The following TEAD1 variants were observed in gnomAD, a reference collection of about 807,000 sequenced individuals.
TEAD1 encodes the protein TEA domain transcription factor 1.
TEAD1 carries 9 observed loss-of-function variants against 54.9 expected under a neutral mutation model. The ratio of observed to expected loss-of-function variants is 0.16; its 90% CI spans 0.10 to 0.29. The LOEUF (loss-of-function observed/expected upper bound fraction) is 0.29. Among genes scored for constraint, TEAD1 ranks in the 10% least tolerant of loss-of-function variants. The pLI, the probability that TEAD1 is intolerant of heterozygous loss-of-function variation, is 1.00. For missense variants in TEAD1, 387 were observed against 535.9 expected (o/e 0.72, Z 2.74); for synonymous variants, 200 against 187.8 (o/e 1.07, Z -0.53).
intron 3 of TEAD1, among the ~76,000 whole-genome samples, chr11:12,837,059 G>A (rs1366490063): frequency 1.3e-5 from 2 of 152,142 alleles, no homozygotes; most frequent in Non-Finnish European, 2.9e-5. Context: ...ATACCCTAGT[G>A]TATAAAAGCA....
intron 10 of TEAD1, among the ~76,000 whole-genome samples, chr11:12,912,996 A>T (rs1948644473): frequency 6.6e-6 from 1 of 152,126 alleles, no homozygotes; most frequent in Non-Finnish European, 1.5e-5. Flanking sequence ...ATCCCACCTG[A>T]GCTGCTGCCA....
Position 12,777,652 on chromosome 11 carries a change from G to T in TEAD1, c.202+13218G>T, listed in dbSNP as rs1945458516. 2.0e-5 allele frequency among the ~76,000 whole-genome samples: 3 copies of T among 152,198 alleles called. No individual in the cohort carries two copies. The South Asian group carries it at 6.2e-4, about 32-fold the overall frequency. Reference sequence around the variant, plus strand: ...ATGACATGCCAGATGTGAGGTATCGGATTGCATGTTTATTCAACTGTTACT... The same window carrying T: ...ATGACATGCCAGATGTGAGGTATCGTATTGCATGTTTATTCAACTGTTACT... On this transcript the variant is annotated intron_variant, in intron 3 of 12. Transcript: ENST00000527636.
chr11:12,916,737 G>T (rs139376423), intron 10 of TEAD1, among the ~76,000 whole-genome samples: 6 of 152,314 alleles, frequency 3.9e-5, no homozygotes, highest in African/African-American at 1.2e-4. Flanking sequence ...ATTCACAGAC[G>T]CCTGGACCAG....
intron 12 of TEAD1, among the ~76,000 whole-genome samples, 181 bp from the exon 13 acceptor site, chr11:12,936,928 A>T (rs1458183613): frequency 6.6e-6 from 1 of 152,224 alleles, no homozygotes; most frequent in Non-Finnish European, 1.5e-5. Context: ...AACCACGTTT[A>T]GATGGGCTTC....
chr11:12,914,955 C>A (rs909242623), intron 10 of TEAD1, among the ~76,000 whole-genome samples: 1 of 152,258 alleles, frequency 6.6e-6, no homozygotes. Context: ...GTTCTTTGAT[C>A]ATTGCTCGGA....
intron 3 of TEAD1, among the ~76,000 whole-genome samples, chr11:12,840,262 AG>A (rs56161898): frequency 0.053 from 757 of 14,288 alleles, 94 homozygotes; most frequent in African/African-American, 0.11. Flanking sequence ...AAAAAAAAAA[AG>A]AAAAAAAAAA....
At chr11:12,676,995 A>T (rs903118979) in intron 2 of TEAD1, among the ~76,000 whole-genome samples, 37 of 150,972 alleles carry the variant, frequency 2.5e-4, no homozygotes, top group African/African-American at 7.9e-4. Context: ...TTTTTTTTTT[A>T]AAAACGAGCT....
chr11:12,679,936 T>A (rs1943180699), intron 2 of TEAD1, among the ~76,000 whole-genome samples: 1 of 152,232 alleles, frequency 6.6e-6, no homozygotes, highest in Admixed American at 6.5e-5. Context: ...TTGTATAACC[T>A]GATGCTACAC....
At chr11:12,686,631 T>C (rs998799812) in intron 2 of TEAD1, among the ~76,000 whole-genome samples, 1 of 152,196 alleles carries the variant, frequency 6.6e-6, no homozygotes, top group Non-Finnish European at 1.5e-5. Context: ...CCTGTGGTCT[T>C]GGCACTCTTG....
rs10709676 is a variant in TEAD1, at chr11:12,831,780, CAA to C, written c.203-30455_203-30454del. On this transcript the variant is annotated intron_variant, in intron 3 of 12. Transcript: ENST00000527636. Reference sequence around the variant, plus strand: ...CTGGTGACAGAGTGAGACGCTGTCTCAAAAAAAAAAAAAAAATGTAGAGTCTC... The same window carrying C: ...CTGGTGACAGAGTGAGACGCTGTCTCAAAAAAAAAAAAAATGTAGAGTCTC... 1.4e-3 allele frequency among the ~76,000 whole-genome samples: 124 copies of C among 90,206 alleles called. 1 individual carries two copies. The highest frequency in any genetic ancestry group is 3.4e-3 in the African/African-American group (105 of 30,806). The allele number at this position is 90,206 out of a possible 152,430, so 59.2% of individuals were successfully genotyped here.
Position 12,883,088 on chromosome 11 carries a change from T to A in TEAD1, c.662T>A (p.Phe221Tyr). The change falls in exon 9 of 13, where the codon TTT becomes TAT. Residue 221 changes from phenylalanine to tyrosine, a missense_variant. Phe to Tyr is a conservative substitution (Grantham distance 22). Transcript: ENST00000527636. ...ACAACCAAGCTTCGCCTGGTGGAATTTTCAGCTTTTCTCGAGCAGCAGCGA... is the reference window on the plus strand; with the variant it reads ...ACAACCAAGCTTCGCCTGGTGGAATATTCAGCTTTTCTCGAGCAGCAGCGA... The A allele has an allele frequency of 1.9e-6, 3 of 1,614,078 alleles. No homozygotes were observed. The highest frequency in any genetic ancestry group is 2.5e-6 in the Non-Finnish European group (3 of 1,180,028).
intron 10 of TEAD1, among the ~76,000 whole-genome samples, chr11:12,914,305 T>C (rs1948671360): frequency 6.6e-6 from 1 of 152,200 alleles, no homozygotes; most frequent in African/African-American, 2.4e-5. Context: ...GGTGGTGTTT[T>C]TAAAAATCTT....
Position 12,865,001 on chromosome 11 carries a change from A to G in TEAD1, c.330+101A>G, listed in dbSNP as rs546638655. ...CCTGGTGCTGGGATTCTCGTAACCTAGTTTCCTTGCATGTGAGAGCTGTTT... is the reference window on the plus strand; with the variant it reads ...CCTGGTGCTGGGATTCTCGTAACCTGGTTTCCTTGCATGTGAGAGCTGTTT... On this transcript the variant is annotated intron_variant, in intron 5 of 12. Transcript: ENST00000527636. The G allele has an allele frequency of 2.8e-5, 37 of 1,316,118 alleles. No homozygotes were observed. The South Asian group carries it at 4.0e-4, about 14-fold the overall frequency. The allele number at this position is 1,316,118 out of a possible 1,614,324, so 81.5% of individuals were successfully genotyped here. A position where few individuals can be genotyped will look rare whatever the true frequency, so the allele number is the denominator to read the frequency against.
At chr11:12,863,416 G>C (rs765620959) in intron 4 of TEAD1, among the ~76,000 whole-genome samples, 2 of 152,162 alleles carry the variant, frequency 1.3e-5, no homozygotes, top group Admixed American at 1.3e-4. Flanking sequence ...GTGAAAACAA[G>C]TAACAGCAGG....
chr11:12,890,436 A>G (rs75892939), intron 9 of TEAD1, among the ~76,000 whole-genome samples: 3,978 of 152,250 alleles, frequency 0.026, 166 homozygotes, highest in African/African-American at 0.091. Context: ...TTTAGAGCCT[A>G]TCTTTCATCA....
chr11:12,907,471 T>A (rs532540119), intron 10 of TEAD1, among the ~76,000 whole-genome samples: 1 of 152,354 alleles, frequency 6.6e-6, no homozygotes, highest in African/African-American at 2.4e-5. Flanking sequence ...ATTTTCCTTT[T>A]CATGACAGCC....
Position 12,939,311 on chromosome 11 carries a change from GT to G in TEAD1, c.*2092del. Reference sequence around the variant, plus strand: ...TCTGTTGAACACCCCTCTTAGGGATGTTTCTTTTGCTCTTATTTCCTGCATC... The same window carrying G: ...TCTGTTGAACACCCCTCTTAGGGATGTTCTTTTGCTCTTATTTCCTGCATC... On this transcript the variant is annotated 3_prime_UTR_variant, in exon 13 of 13. Coordinates refer to ENST00000527636, the MANE Select transcript of TEAD1 (RefSeq NM_021961.6). 1 of 152,382 alleles carries G rather than the reference GT, an allele frequency of 6.6e-6. No individual in the cohort carries two copies. Among genetic ancestry groups the G allele is most frequent in the Admixed American group, 6.5e-5 (1 of 15,294 alleles). The allele number at this position is 152,382 out of a possible 1,614,324, so 9.4% of individuals were successfully genotyped here. A position where few individuals can be genotyped will look rare whatever the true frequency, so the allele number is the denominator to read the frequency against.
At chr11:12,762,110 T>C (rs1021552488) in intron 2 of TEAD1, among the ~76,000 whole-genome samples, 1 of 152,200 alleles carries the variant, frequency 6.6e-6, no homozygotes, top group Non-Finnish European at 1.5e-5. Context: ...CTACTATTTA[T>C]CTTAAAGTGT....
chr11:12,713,354 C>T (rs1456194621), intron 2 of TEAD1, among the ~76,000 whole-genome samples: 1 of 152,198 alleles, frequency 6.6e-6, no homozygotes, highest in East Asian at 1.9e-4. Context: ...CTCCTCAAAC[C>T]CGTGCCCACA....
Sources: allele counts gnomAD v4.1 joint callset (sites outside exome capture counted in the v4.1 genomes callset), GRCh38; gene constraint gnomAD v4.1.1; transcripts MANE v1.5; gene names NCBI Gene and HGNC (gene_info 2026-07-23, HGNC 2026-07-21).